PRKG1: variants seen among roughly 807,000 people sequenced by gnomAD.
PRKG1 encodes the protein protein kinase cGMP-dependent 1.
A neutral mutation model predicts 88.1 loss-of-function variants in PRKG1; 35 were observed. The ratio of observed to expected loss-of-function variants is 0.40; its 90% CI spans 0.30 to 0.53. The LOEUF (loss-of-function observed/expected upper bound fraction) is 0.53, where lower values mean the gene tolerates loss of function less well. Among genes scored for constraint, PRKG1 ranks in the 20% least tolerant of loss-of-function variants. PRKG1 has a pLI of 0.59. For missense variants in PRKG1, 540 were observed against 839.8 expected (o/e 0.64, Z 4.41); for synonymous variants, 303 against 292.5 (o/e 1.04, Z -0.37).
At chr10:51,799,154 T>C (rs1181120704) in intron 3 of PRKG1, among the ~76,000 whole-genome samples, 1 of 152,018 alleles carries the variant, frequency 6.6e-6, no homozygotes, top group Non-Finnish European at 1.5e-5. Context: ...TACATCGGTC[T>C]TTCTTCCCTG....
At chr10:51,660,688 T>C (rs1464586814) in intron 3 of PRKG1, among the ~76,000 whole-genome samples, 2 of 152,088 alleles carry the variant, frequency 1.3e-5, no homozygotes, top group Non-Finnish European at 1.5e-5. Flanking sequence ...GAAAAAGTTT[T>C]CACGTGGATT....
At chr10:51,497,829 C>T (rs530500043) in intron 3 of PRKG1, among the ~76,000 whole-genome samples, 13 of 152,260 alleles carry the variant, frequency 8.5e-5, no homozygotes, top group African/African-American at 3.1e-4. Flanking sequence ...CCATGGCTTT[C>T]TGTGAGCTCT....
intron 3 of PRKG1, among the ~76,000 whole-genome samples, chr10:51,473,101 A>C (rs1025692161): frequency 6.6e-6 from 1 of 151,948 alleles, no homozygotes; most frequent in African/African-American, 2.4e-5. Context: ...GTAGTGAGTT[A>C]ATTAGACAAT....
At chr10:52,204,073 GTTA>G (rs140296072) in intron 9 of PRKG1, among the ~76,000 whole-genome samples, 4,975 of 75,302 alleles carry the variant, frequency 0.066, 294 homozygotes, top group African/African-American at 0.16. Flanking sequence ...TTGTTCGCTG[GTTA>G]TTATTATTAT....
chr10:51,021,119 ATG>A (rs1234204189), intron 1 of PRKG1, among the ~76,000 whole-genome samples: 4 of 152,150 alleles, frequency 2.6e-5, no homozygotes, highest in Non-Finnish European at 5.9e-5. Flanking sequence ...GGAGAGTTTA[ATG>A]TGTTGAATCG....
intron 2 of PRKG1, among the ~76,000 whole-genome samples, chr10:51,434,874 T>G (rs1421623117): frequency 6.6e-6 from 1 of 152,142 alleles, no homozygotes; most frequent in African/African-American, 2.4e-5. Flanking sequence ...GATCTCACTT[T>G]AAATATTAAT....
At chr10:51,044,744 G>A (rs573158618) in intron 1 of PRKG1, among the ~76,000 whole-genome samples, 5 of 152,218 alleles carry the variant, frequency 3.3e-5, no homozygotes, top group East Asian at 3.9e-4. Context: ...TAGGTGGGGA[G>A]AGTGATAGGA....
At chr10:51,082,941 T>C (rs926693445) in intron 1 of PRKG1, among the ~76,000 whole-genome samples, 3 of 152,172 alleles carry the variant, frequency 2.0e-5, no homozygotes, top group African/African-American at 4.8e-5. Context: ...AGACCTGAGG[T>C]ATAGGTATAT....
intron 5 of PRKG1, among the ~76,000 whole-genome samples, chr10:51,963,750 C>A (rs530625868): frequency 6.2e-4 from 95 of 152,188 alleles, no homozygotes; most frequent in African/African-American, 2.2e-3. Flanking sequence ...GCCAGCCTCA[C>A]TTATTTTTAA....
chr10:51,280,989 T>C (rs1355049798), intron 2 of PRKG1, among the ~76,000 whole-genome samples: 5 of 152,192 alleles, frequency 3.3e-5, no homozygotes. Context: ...CCCATCTTTG[T>C]TGTTTTATCT....
intron 2 of PRKG1, among the ~76,000 whole-genome samples, chr10:51,306,024 C>G (rs556047388): frequency 1.5e-3 from 221 of 152,248 alleles, no homozygotes; most frequent in African/African-American, 5.1e-3. Context: ...TACCATATGA[C>G]AGTTAATTCT....
At chr10:52,218,001 C>A (rs907935512) in intron 9 of PRKG1, among the ~76,000 whole-genome samples, 6 of 151,946 alleles carry the variant, frequency 3.9e-5, no homozygotes, top group African/African-American at 1.4e-4. Context: ...TTCACAAGGT[C>A]AGGAGTTCAA....
At chr10:52,034,254 GA>G (rs1319349437) in intron 5 of PRKG1, among the ~76,000 whole-genome samples, 10 of 150,522 alleles carry the variant, frequency 6.6e-5, no homozygotes, top group Non-Finnish European at 1.5e-4. Flanking sequence ...AAATAGTGTT[GA>G]AGTGTTGGGG....
At chr10:51,829,129 A>G (rs1839944485) in intron 4 of PRKG1, among the ~76,000 whole-genome samples, 1 of 152,170 alleles carries the variant, frequency 6.6e-6, no homozygotes, top group South Asian at 2.1e-4. Flanking sequence ...GTGGCTGTTG[A>G]TAAGTCTGTT....
chr10:51,432,255 T>A (rs1220183992), intron 2 of PRKG1, among the ~76,000 whole-genome samples: 1 of 152,206 alleles, frequency 6.6e-6, no homozygotes, highest in Non-Finnish European at 1.5e-5. Context: ...TTAATATCCC[T>A]CTTATTTGCT....
At chr10:51,441,585 C>T (rs963839004) in intron 2 of PRKG1, among the ~76,000 whole-genome samples, 1 of 151,940 alleles carries the variant, frequency 6.6e-6, no homozygotes, top group Non-Finnish European at 1.5e-5. Flanking sequence ...CCTCATTCTT[C>T]TAGGTGGAGT....
intron 2 of PRKG1, 110 bp from the exon 3 acceptor site, chr10:51,467,613 G>T: frequency 2.6e-6 from 2 of 759,560 alleles, no homozygotes; most frequent in Non-Finnish European, 4.2e-6. Flanking sequence ...TGTTTTAATT[G>T]GTAACTGCAT....
intron 1 of PRKG1, among the ~76,000 whole-genome samples, chr10:51,090,295 A>G (rs6479916): frequency 0.89 from 135,551 of 152,128 alleles, 60,604 homozygotes; most frequent in African/African-American, 0.97. Context: ...AAATGGAAGA[A>G]CATGAGATGG....
At chr10:51,406,361 C>G (rs774945013) in intron 2 of PRKG1, among the ~76,000 whole-genome samples, 1 of 152,164 alleles carries the variant, frequency 6.6e-6, no homozygotes, top group East Asian at 1.9e-4. Context: ...CATGGCATAC[C>G]GTCTTCCTCA....
Sources: gnomAD v4.1 joint callset for allele counts (sites outside exome capture counted in the v4.1 genomes callset) on GRCh38, gnomAD v4.1.1 for gene constraint, MANE v1.5 for transcripts, NCBI Gene and HGNC (gene_info 2026-07-23, HGNC 2026-07-21) for gene names.